The following HDAC4 variants were observed in gnomAD, a reference collection of about 807,000 sequenced individuals.
HDAC4 encodes the protein histone deacetylase 4, also known as histone deacetylase A.
In HDAC4, 16 loss-of-function variants were observed where a neutral mutation model predicts 135.1. The observed-to-expected ratio is 0.12, with a 90% CI of 0.08 to 0.18. The LOEUF is 0.18. HDAC4 is among the 10% of genes least tolerant of loss of function. The pLI, the probability that HDAC4 is intolerant of heterozygous loss-of-function variation, is 1.00. For synonymous variants in HDAC4, 685 were observed against 653.4 expected, an observed-to-expected ratio of 1.05 and a Z score of -0.74; for missense variants, 1,143 against 1,511.8, an observed-to-expected ratio of 0.76 and a Z score of 4.05.
rs144377999 is a variant in HDAC4, at chr2:239,393,410, G to A, written c.-220+7568C>T. On this transcript the variant is annotated intron_variant, in intron 1 of 26. Transcript: ENST00000543185. ...AAGAAGACTACACATACATGAAAAC[G>A]CAAGGAAGTCCTTTGTGCAGACCAC... Among the ~76,000 whole-genome samples the A allele has an allele frequency of 1.3e-4, 20 of 152,308 alleles. No individual in the cohort carries two copies. The East Asian group carries it at 3.1e-3, about 24-fold the overall frequency.
intron 2 of HDAC4, among the ~76,000 whole-genome samples, chr2:239,315,953 T>C (rs2053097377): frequency 1.3e-5 from 2 of 152,124 alleles, no homozygotes; most frequent in African/African-American, 4.8e-5. Flanking sequence ...CAAAATACAG[T>C]GGACAAACTG....
chr2:239,190,261 G>A (rs2044843591), intron 3 of HDAC4, among the ~76,000 whole-genome samples, 184 bp from the exon 4 acceptor site: 1 of 151,828 alleles, frequency 6.6e-6, no homozygotes, highest in Admixed American at 6.6e-5. Context: ...GCAAGACTCA[G>A]AGGCCTCTGG....
At chr2:239,220,038 C>T (rs924519559) in intron 3 of HDAC4, among the ~76,000 whole-genome samples, 16 of 152,340 alleles carry the variant, frequency 1.1e-4, no homozygotes, top group African/African-American at 3.1e-4. Flanking sequence ...ATCATTAAGC[C>T]ATGTATGCCT....
chr2:239,260,644 G>A (rs1441581349), intron 2 of HDAC4, among the ~76,000 whole-genome samples: 1 of 152,110 alleles, frequency 6.6e-6, no homozygotes, highest in Non-Finnish European at 1.5e-5. Context: ...CTGCTGTGTG[G>A]CCTGTGGCCT....
chr2:239,073,000 G>A (rs1362516115), intron 22 of HDAC4, among the ~76,000 whole-genome samples: 1 of 152,188 alleles, frequency 6.6e-6, no homozygotes, highest in Non-Finnish European at 1.5e-5. Context: ...CGCGGTGCCT[G>A]ATCCTGGTGC....
chr2:239,386,076 C>A (rs908791867), intron 1 of HDAC4, among the ~76,000 whole-genome samples: 1 of 152,062 alleles, frequency 6.6e-6, no homozygotes, highest in Non-Finnish European at 1.5e-5. Flanking sequence ...GGCAGAGGGG[C>A]CTGCGTTTTA....
At chr2:239,310,756 G>C (rs1433523945) in intron 2 of HDAC4, among the ~76,000 whole-genome samples, 2 of 152,220 alleles carry the variant, frequency 1.3e-5, no homozygotes, top group Admixed American at 6.5e-5. Flanking sequence ...TGGGAGCACA[G>C]GGCAGGGTCG....
Position 239,313,656 on chromosome 2 carries a change from A to G in HDAC4, c.22+39022T>C, listed in dbSNP as rs1403520165. Among the ~76,000 whole-genome samples the G allele has an allele frequency of 6.6e-6, 1 of 152,238 alleles. No homozygotes were observed. Among genetic ancestry groups the G allele is most frequent in the Admixed American group, 6.5e-5 (1 of 15,290 alleles). On this transcript the variant is annotated intron_variant, in intron 2 of 26. Transcript: ENST00000543185. The surrounding 1 kb of genome is among the most constrained non-coding windows in gnomAD (Gnocchi z 5.1). ...GACACAGAGAAAGTTTCTTATGAAA[A>G]TAAGCGCCTCAAAAGAAAGCCAACG... is the stretch of plus-strand genomic sequence containing the variant.
In HDAC4 at chr2:239,315,050, T is replaced by C. The variant is rs565378007; in HGVS notation, c.22+37628A>G. ...GAGGCTTCGTCGGCATGGTAAATCCTTGGTCTCCACAAACCCTTATCATAA... is the reference window on the plus strand; with the variant it reads ...GAGGCTTCGTCGGCATGGTAAATCCCTGGTCTCCACAAACCCTTATCATAA... On this transcript the variant is annotated intron_variant, in intron 2 of 26. Transcript: ENST00000543185. 2.0e-5 allele frequency among the ~76,000 whole-genome samples: 3 copies of C among 152,354 alleles called. No individual in the cohort carries two copies. The East Asian group carries it at 5.8e-4, about 29-fold the overall frequency.
chr2:239,070,168 C>T (rs1052470722), intron 22 of HDAC4, among the ~76,000 whole-genome samples: 13 of 150,354 alleles, frequency 8.6e-5, no homozygotes, highest in Admixed American at 4.0e-4. Context: ...GCCGAGAGGG[C>T]GGAGAGCCCT....
intron 4 of HDAC4, among the ~76,000 whole-genome samples, chr2:239,185,971 T>C (rs79493054): frequency 0.085 from 12,991 of 152,022 alleles, 629 homozygotes; most frequent in East Asian, 0.15. Flanking sequence ...GAGGCGAAGA[T>C]TGAAGTGAAC....
At chr2:239,398,997 AAAGCTATAG>A (rs1381704508) in intron 1 of HDAC4, among the ~76,000 whole-genome samples, 1 of 152,244 alleles carries the variant, frequency 6.6e-6, no homozygotes, top group East Asian at 1.9e-4. Flanking sequence ...CAGAACACAG[AAAGCTATAG>A]AAGTCTTACA....
At chr2:239,137,061 G>A (rs1469091134) in intron 9 of HDAC4, among the ~76,000 whole-genome samples, 1 of 152,284 alleles carries the variant, frequency 6.6e-6, no homozygotes, top group South Asian at 2.1e-4. Context: ...ACAAAATAAG[G>A]AGACGTTCTA....
At chr2:239,226,798 G>A (rs960517020) in intron 3 of HDAC4, among the ~76,000 whole-genome samples, 13 of 152,234 alleles carry the variant, frequency 8.5e-5, no homozygotes, top group African/African-American at 3.1e-4. Flanking sequence ...CAGGCTCACG[G>A]GTGGGGCTGG....
chr2:239,065,475 G>A (rs2033354645), intron 24 of HDAC4, among the ~76,000 whole-genome samples: 1 of 152,232 alleles, frequency 6.6e-6, no homozygotes, highest in South Asian at 2.1e-4. Context: ...TGAGGATGCT[G>A]CTTCCAGAGA....
At chr2:239,122,895 C>A (rs2039813839) in intron 12 of HDAC4, among the ~76,000 whole-genome samples, 1 of 152,218 alleles carries the variant, frequency 6.6e-6, no homozygotes, top group Non-Finnish European at 1.5e-5. Context: ...GGGTTCACAG[C>A]TGCCAGAGCT....
chr2:239,144,478 G>A, intron 8 of HDAC4, 105 bp downstream of exon 8: 1 of 1,441,748 alleles, frequency 6.9e-7, no homozygotes, highest in Non-Finnish European at 9.7e-7. Context: ...TTGACAGCGT[G>A]AGGCAGACAC....
At chr2:239,106,575 G>A (rs1310629810) in intron 15 of HDAC4, among the ~76,000 whole-genome samples, 9 of 152,202 alleles carry the variant, frequency 5.9e-5, no homozygotes, top group Middle Eastern at 3.4e-3. Context: ...GCTCCTCCCC[G>A]CCTTCCTCCT....
intron 1 of HDAC4, among the ~76,000 whole-genome samples, chr2:239,373,566 C>T (rs1319079650): frequency 2.6e-5 from 4 of 152,026 alleles, no homozygotes; most frequent in East Asian, 1.9e-4. Flanking sequence ...CAGGTTCAAG[C>T]GATTCTCTCA....
Sources: gnomAD v4.1 joint callset for allele counts (sites outside exome capture counted in the v4.1 genomes callset) on GRCh38, gnomAD v4.1.1 for gene constraint, Gnocchi (gnomAD v3.1) non-coding constraint, MANE v1.5 for transcripts, NCBI Gene and HGNC (gene_info 2026-07-23, HGNC 2026-07-21) for gene names.